The following RUNDC1 variants were observed in gnomAD, a reference collection of about 807,000 sequenced individuals.
The protein encoded by RUNDC1 is RUN domain-containing protein 1.
In RUNDC1, 31 loss-of-function variants were observed where a neutral mutation model predicts 49.3. The observed-to-expected ratio is 0.63, with a 90% confidence interval of 0.47 to 0.85. The LOEUF (loss-of-function observed/expected upper bound fraction) is 0.85, where lower values mean the gene tolerates loss of function less well. Among genes scored for constraint, RUNDC1 ranks in the 40% least tolerant of loss-of-function variants. RUNDC1 has a pLI of 0.00. For synonymous variants in RUNDC1, 347 were observed against 348.6 expected, an observed-to-expected ratio of 1.00 and a Z score of 0.05; for missense variants, 715 against 806.7, an observed-to-expected ratio of 0.89 and a Z score of 1.38.
chr17:42,981,019 G>A lies in RUNDC1; in HGVS notation c.443G>A (p.Ser148Asn). Residue 148 changes from serine (S) to asparagine (N), a missense_variant, in exon 1 of 5, where the codon AGC becomes AAC. By Grantham distance (46) the Ser-to-Asn change is conservative. Transcript: ENST00000361677. Reference sequence around the variant, plus strand: ...TACGAAGGGCCCGGCGACCCCGCCAGCGATGAGGGCGATGGGCTGCCAGGG... The same window carrying A: ...TACGAAGGGCCCGGCGACCCCGCCAACGATGAGGGCGATGGGCTGCCAGGG... ...LGYEGPGDPA[S>N]DEGDGLPGDR... is the part of the protein sequence containing the mutation. 1.3e-6 allele frequency: 2 copies of A among 1,552,334 alleles called. No homozygotes were observed. The highest frequency in any genetic ancestry group is 1.7e-6 in the Non-Finnish European group (2 of 1,155,910).
chr17:42,991,407 C>G lies in RUNDC1; in HGVS notation c.1533C>G (p.Thr511=), dbSNP rs1407450371. 3 of 1,614,106 alleles carry G rather than the reference C, an allele frequency of 1.9e-6. No individual in the cohort carries two copies. The highest frequency in any genetic ancestry group is 2.5e-6 in the Non-Finnish European group (3 of 1,180,042). Residue 511 remains threonine, a synonymous_variant, in exon 5 of 5, where the codon ACC becomes ACG. Transcript: ENST00000361677. ...ALPVTGGTVV[T]PKQSLLTAIH... is the part of the protein sequence containing the mutation. ...CTGTTACGGGAGGCACTGTTGTCAC[C>G]CCCAAACAGAGCCTACTGACAGCCA...
At position 42,994,442 on chromosome 17, in the gene RUNDC1, G is replaced by A. The variant is rs1169844215; in HGVS notation, c.*2726G>A. Among the ~76,000 whole-genome samples the A allele has an allele frequency of 6.6e-6, 1 of 152,206 alleles. No homozygotes were observed. The stretch of plus-strand genomic sequence containing the variant: ...TTTTGTCCTGGTTTACATGATGATG[G>A]AAGACCTGAGATTTGGAGTCAAGTT... On this transcript the variant is annotated 3_prime_UTR_variant, in exon 5 of 5. Transcript: ENST00000361677.
At chr17:42,990,210 G>A (rs1476135819) in intron 3 of RUNDC1, 107 bp from the exon 4 acceptor site, 4 of 1,426,606 alleles carry the variant, frequency 2.8e-6, no homozygotes, top group Non-Finnish European at 3.8e-6. Context: ...TAGGACAAGA[G>A]TTTGTGAAAT....
At chr17:42,989,119 G>A (rs936576473) in intron 2 of RUNDC1, among the ~76,000 whole-genome samples, 8 of 152,078 alleles carry the variant, frequency 5.3e-5, no homozygotes, top group Non-Finnish European at 1.2e-4. Flanking sequence ...ACTGTGAGTG[G>A]GAGGATCCAT....
rs1480189776 is a variant in RUNDC1 at position 42,992,800 on chromosome 17, C to T, written c.*1084C>T. On this transcript the variant is annotated 3_prime_UTR_variant, in exon 5 of 5. Coordinates refer to ENST00000361677, the MANE Select transcript of RUNDC1 (RefSeq NM_173079.5). Reference sequence around the variant, plus strand: ...ACAGCATTTCTAAGGGTGGTAACCACAGGTCGATTTTAATACGAGTCCTTT... The same window carrying T: ...ACAGCATTTCTAAGGGTGGTAACCATAGGTCGATTTTAATACGAGTCCTTT... The T allele has an allele frequency of 6.6e-6, 1 of 152,118 alleles. No homozygotes were observed. Among genetic ancestry groups the T allele is most frequent in the African/African-American group, 2.4e-5 (1 of 41,416 alleles). 9.4% of individuals were successfully genotyped at this position (152,118 alleles called of 1,614,324 possible). A position where few individuals can be genotyped will look rare whatever the true frequency, so the allele number is the denominator to read the frequency against.
At chr17:42,984,860 C>CAT (rs2050148799) in intron 1 of RUNDC1, among the ~76,000 whole-genome samples, 1 of 146,494 alleles carries the variant, frequency 6.8e-6, no homozygotes, top group Admixed American at 6.8e-5. Flanking sequence ...TGGAATTTGT[C>CAT]ATTCTTTTCT....
intron 1 of RUNDC1, among the ~76,000 whole-genome samples, chr17:42,986,746 G>A (rs1193526602): frequency 2.0e-5 from 3 of 151,970 alleles, no homozygotes; most frequent in South Asian, 4.1e-4. Flanking sequence ...TGATCCACCC[G>A]CCTCGGCCTC....
Position 42,989,384 on chromosome 17 carries a change from A to G in RUNDC1, c.701A>G (p.Asn234Ser). Reference sequence around the variant, plus strand: ...ATAAAGAAACTGGACATGAATCTGAATGAGGACATCAGTTCCCTGTCCACT... The same window carrying G: ...ATAAAGAAACTGGACATGAATCTGAGTGAGGACATCAGTTCCCTGTCCACT... ...ELIKKLDMNL[N>S]EDISSLSTEE... The change falls in exon 3 of 5, where the codon AAT becomes AGT. Residue 234 changes from asparagine to serine, a missense_variant. Physicochemically the swap from Asn to Ser is conservative, Grantham distance 46 (BLOSUM62 1). This residue lies in a region of RUNDC1 where 425 missense variants were observed against 499.7 expected (regional missense o/e 0.85). Transcript: ENST00000361677. 6.2e-7 allele frequency: 1 copy of G among 1,614,070 alleles called. No homozygotes were observed. Among genetic ancestry groups the G allele is most frequent in the East Asian group, 2.2e-5 (1 of 44,876 alleles).
chr17:42,989,237 G>GT, intron 2 of RUNDC1, 104 bp from the exon 3 acceptor site: 1 of 832,016 alleles, frequency 1.2e-6, no homozygotes, highest in East Asian at 2.6e-5. Context: ...TTAGAGGTCT[G>GT]TTTTTTATTT....
intron 3 of RUNDC1, among the ~76,000 whole-genome samples, chr17:42,990,020 G>T (rs2050217768): frequency 6.6e-6 from 1 of 152,126 alleles, no homozygotes; most frequent in African/African-American, 2.4e-5. Flanking sequence ...AAGTGCATGG[G>T]TTTCAAAATC....
Position 42,988,031 on chromosome 17 carries a change from C to T in RUNDC1, c.657+617C>T, listed in dbSNP as rs561824816. On this transcript the variant is annotated intron_variant, in intron 2 of 4. Coordinates refer to ENST00000361677, the MANE Select transcript of RUNDC1 (RefSeq NM_173079.5). ...CCTCCCAAAGTGCTGGGATTACAGG[C>T]GTGAGCCACCGCACCTGGCCGTAAT... 1.2e-4 allele frequency among the ~76,000 whole-genome samples: 18 copies of T among 152,006 alleles called. No homozygotes were observed. In the East Asian group the frequency reaches 3.1e-3, roughly 26 times the overall value.
At position 42,981,343 on chromosome 17, in the gene RUNDC1, G is replaced by A. The variant is rs575234738; in HGVS notation, c.498+269G>A. ...GAGTGGTAGAGGAGCGGTGAGCGAA[G>A]TGAGTCGTTGAGAGGGCAGCAGAGC... On this transcript the variant is annotated intron_variant, in intron 1 of 4. Coordinates refer to ENST00000361677, the MANE Select transcript of RUNDC1 (RefSeq NM_173079.5). 2.3e-5 allele frequency: 11 copies of A among 488,600 alleles called. No individual in the cohort carries two copies. In the South Asian group the frequency reaches 2.9e-4, roughly 13 times the overall value. 30.3% of individuals were successfully genotyped at this position (488,600 alleles called of 1,614,324 possible).
At chr17:42,987,618 T>A (rs370234011) in intron 2 of RUNDC1, among the ~76,000 whole-genome samples, 1 of 152,232 alleles carries the variant, frequency 6.6e-6, no homozygotes, top group Admixed American at 6.5e-5. Flanking sequence ...AGTTTTGTAA[T>A]ACGATAATTG....
In RUNDC1 at chr17:42,994,544, C is replaced by T. The variant is rs1419604939; in HGVS notation, c.*2828C>T. Reference sequence around the variant, plus strand: ...TTTCTAGATTTTGGTTTCTCTTTCTCCTTTATCCACCACCCTCATTCCTCC... The same window carrying T: ...TTTCTAGATTTTGGTTTCTCTTTCTTCTTTATCCACCACCCTCATTCCTCC... On this transcript the variant is annotated 3_prime_UTR_variant, in exon 5 of 5. Transcript: ENST00000361677. Among the ~76,000 whole-genome samples the T allele has an allele frequency of 6.6e-6, 1 of 152,116 alleles. No individual in the cohort carries two copies. Among genetic ancestry groups the T allele is most frequent in the Non-Finnish European group, 1.5e-5 (1 of 68,028 alleles).
Position 42,991,181 on chromosome 17 carries a change from A to T in RUNDC1, c.1307A>T (p.Asp436Val). The change falls in exon 5 of 5, where the codon GAC becomes GTC. Residue 436 changes from aspartate (D) to valine (V), a missense_variant. Physicochemically the swap from Asp to Val is radical, Grantham distance 152. Transcript: ENST00000361677. ...VRKELTVAVR[D>V]LLAHGLYASS... Reference sequence around the variant, plus strand: ...AAGGAGCTAACGGTGGCTGTGAGGGACCTGCTGGCCCATGGACTGTATGCC... The same window carrying T: ...AAGGAGCTAACGGTGGCTGTGAGGGTCCTGCTGGCCCATGGACTGTATGCC... 6.2e-7 allele frequency: 1 copy of T among 1,614,138 alleles called. No homozygotes were observed. The highest frequency in any genetic ancestry group is 8.5e-7 in the Non-Finnish European group (1 of 1,180,048).
intron 1 of RUNDC1, among the ~76,000 whole-genome samples, chr17:42,984,959 G>A (rs896392109): frequency 2.7e-5 from 4 of 145,510 alleles, no homozygotes; most frequent in South Asian, 2.2e-4. Context: ...GCAATGCTGC[G>A]GTCTTGGCTC....
intron 1 of RUNDC1, 108 bp downstream of exon 1, chr17:42,981,182 G>A (rs1433034848): frequency 7.3e-7 from 1 of 1,364,314 alleles, no homozygotes; most frequent in Non-Finnish European, 9.7e-7. Context: ...CCCCGACTCG[G>A]TCGGTGAGTA....
chr17:42,981,020 C>T lies in RUNDC1; in HGVS notation c.444C>T (p.Ser148=). Residue 148 remains serine (S), a synonymous_variant, in exon 1 of 5, where the codon AGC becomes AGT. Transcript: ENST00000361677. ...LGYEGPGDPA[S]DEGDGLPGDR... The stretch of plus-strand genomic sequence containing the variant: ...ACGAAGGGCCCGGCGACCCCGCCAG[C>T]GATGAGGGCGATGGGCTGCCAGGGG... The T allele has an allele frequency of 6.4e-7, 1 of 1,552,586 alleles. No homozygotes were observed. The highest frequency in any genetic ancestry group is 1.9e-5 in the Admixed American group (1 of 53,388).
chr17:42,986,590 C>G (rs185656109), intron 1 of RUNDC1, among the ~76,000 whole-genome samples: 41 of 151,910 alleles, frequency 2.7e-4, no homozygotes, highest in African/African-American at 9.9e-4. Flanking sequence ...CTCCGCCTCC[C>G]GGGTTCACGC....
Sources: gnomAD v4.1 joint callset for allele counts (sites outside exome capture counted in the v4.1 genomes callset) on GRCh38, gnomAD v4.1.1 for gene constraint, gnomAD v4.1.1 regional missense constraint, MANE v1.5 for transcripts, NCBI Gene and HGNC (gene_info 2026-07-23, HGNC 2026-07-21) for gene names.